NYAP2: variants seen among roughly 807,000 people sequenced by gnomAD.
NYAP2 encodes neuronal tyrosine-phosphorylated phosphoinositide-3-kinase adapter 2.
Under a neutral mutation model 50.4 loss-of-function variants are expected in NYAP2, and 23 were observed. The observed-to-expected ratio is 0.46, with a 90% CI of 0.33 to 0.65. The LOEUF (loss-of-function observed/expected upper bound fraction) is 0.65. Ranked by LOEUF, NYAP2 falls within the 30% of genes least tolerant of loss-of-function variation. The pLI is 0.02. For missense variants in NYAP2, 885 were observed against 861.0 expected, an observed-to-expected ratio of 1.03 and a Z score of -0.35; for synonymous variants, 394 against 365.2, an observed-to-expected ratio of 1.08 and a Z score of -0.90.
At chr2:225,425,711 G>C (rs568272952) in intron 3 of NYAP2, among the ~76,000 whole-genome samples, 1 of 152,308 alleles carries the variant, frequency 6.6e-6, no homozygotes, top group Non-Finnish European at 1.5e-5. Context: ...TAATCGAAGA[G>C]AAATAAATAT....
chr2:225,420,848 A>G (rs1484182987), intron 3 of NYAP2, among the ~76,000 whole-genome samples: 1 of 152,146 alleles, frequency 6.6e-6, no homozygotes, highest in Non-Finnish European at 1.5e-5. Context: ...GCTCTTTTAC[A>G]TAGAGAATCA....
intron 4 of NYAP2, among the ~76,000 whole-genome samples, chr2:225,533,407 C>A (rs1691292558): frequency 6.6e-6 from 1 of 152,188 alleles, no homozygotes; most frequent in Non-Finnish European, 1.5e-5. Flanking sequence ...AGAAAGCCAG[C>A]TGGGTGCGGT....
At chr2:225,547,364 G>A (rs1691603590) in intron 4 of NYAP2, among the ~76,000 whole-genome samples, 1 of 152,178 alleles carries the variant, frequency 6.6e-6, no homozygotes, top group Non-Finnish European at 1.5e-5. Context: ...CACTGGCTTT[G>A]AGCCCAGGAC....
intron 3 of NYAP2, among the ~76,000 whole-genome samples, chr2:225,503,410 G>A (rs370844388): frequency 2.0e-5 from 3 of 152,102 alleles, no homozygotes; most frequent in East Asian, 1.9e-4. Flanking sequence ...AGATTCCAAA[G>A]TACCGTAGAT....
intron 3 of NYAP2, among the ~76,000 whole-genome samples, chr2:225,423,072 G>A (rs901179620): frequency 6.6e-6 from 1 of 152,106 alleles, no homozygotes; most frequent in Admixed American, 6.5e-5. Context: ...TATAGTGGAA[G>A]GGAAAGTATT....
At chr2:225,613,800 A>G (rs1190099421) in intron 5 of NYAP2, among the ~76,000 whole-genome samples, 1 of 152,164 alleles carries the variant, frequency 6.6e-6, no homozygotes, top group African/African-American at 2.4e-5. Flanking sequence ...GTCTTCATTT[A>G]TTATATAGTC....
At chr2:225,601,088 C>A (rs1434345746) in intron 5 of NYAP2, among the ~76,000 whole-genome samples, 2 of 150,746 alleles carry the variant, frequency 1.3e-5, no homozygotes, top group African/African-American at 2.4e-5. Context: ...AGAAGTAGAA[C>A]TGCTGAATCA....
intron 6 of NYAP2, among the ~76,000 whole-genome samples, chr2:225,649,837 G>T (rs1425228579): frequency 6.6e-6 from 1 of 152,154 alleles, no homozygotes; most frequent in African/African-American, 2.4e-5. Context: ...TATTTGAGAA[G>T]AACTAAAACT....
At chr2:225,417,720 A>C (rs1455212701) in intron 3 of NYAP2, among the ~76,000 whole-genome samples, 1 of 152,206 alleles carries the variant, frequency 6.6e-6, no homozygotes, top group Non-Finnish European at 1.5e-5. Context: ...CAAAGAATGA[A>C]GAGGGCCGTT....
chr2:225,660,859 G>A, the NYAP2 span, among the ~76,000 whole-genome samples: 4 of 152,082 alleles, frequency 2.6e-5, 1 homozygote, highest in Admixed American at 2.6e-4. Context: ...CTTTTAAATA[G>A]TATGCCTTTA....
At chr2:225,473,025 T>C (rs1690037824) in intron 3 of NYAP2, among the ~76,000 whole-genome samples, 1 of 152,216 alleles carries the variant, frequency 6.6e-6, no homozygotes, top group Non-Finnish European at 1.5e-5. Flanking sequence ...GTTCTCATTG[T>C]TCAATTCCCA....
At chr2:225,597,014 A>G (rs960339229) in intron 5 of NYAP2, among the ~76,000 whole-genome samples, 3 of 152,194 alleles carry the variant, frequency 2.0e-5, no homozygotes, top group Non-Finnish European at 2.9e-5. Flanking sequence ...CAGCTTAAAA[A>G]ACAACCTCCT....
At chr2:225,540,865 T>G (rs900910034) in intron 4 of NYAP2, among the ~76,000 whole-genome samples, 13 of 152,258 alleles carry the variant, frequency 8.5e-5, no homozygotes, top group African/African-American at 3.1e-4. Flanking sequence ...ATCTCCAAAG[T>G]GTTCTCCATA....
intron 6 of NYAP2, among the ~76,000 whole-genome samples, chr2:225,635,726 G>C (rs527684748): frequency 6.6e-6 from 1 of 152,284 alleles, no homozygotes; most frequent in East Asian, 1.9e-4. Context: ...GGGTTGCCTT[G>C]AGTCTGCATT....
chr2:225,635,751 G>T (rs1693403369), intron 6 of NYAP2, among the ~76,000 whole-genome samples: 1 of 152,156 alleles, frequency 6.6e-6, no homozygotes, highest in African/African-American at 2.4e-5. Context: ...GATGGAATTT[G>T]GAGGAAGAAT....
At chr2:225,646,665 A>G (rs1436716208) in intron 6 of NYAP2, among the ~76,000 whole-genome samples, 1 of 152,208 alleles carries the variant, frequency 6.6e-6, no homozygotes, top group African/African-American at 2.4e-5. Flanking sequence ...ATATATGGTA[A>G]TGATCTTACT....
At chr2:225,418,046 G>T (rs1401811982) in intron 3 of NYAP2, among the ~76,000 whole-genome samples, 1 of 152,110 alleles carries the variant, frequency 6.6e-6, no homozygotes, top group African/African-American at 2.4e-5. Context: ...TCAGGGGTAT[G>T]GGGAGAGTGC....
At chr2:225,415,417 G>A (rs978842326) in intron 3 of NYAP2, among the ~76,000 whole-genome samples, 1 of 152,060 alleles carries the variant, frequency 6.6e-6, no homozygotes, top group African/African-American at 2.4e-5. Flanking sequence ...GTTTTGAATT[G>A]GTTAATATTT....
At chr2:225,406,502 T>A (rs1401125153) in intron 2 of NYAP2, among the ~76,000 whole-genome samples, 2 of 151,956 alleles carry the variant, frequency 1.3e-5, no homozygotes, top group African/African-American at 2.4e-5. Context: ...CACGAAGACA[T>A]CTAGAGGGAC....
Sources: gnomAD v4.1 joint callset for allele counts (sites outside exome capture counted in the v4.1 genomes callset) on GRCh38, gnomAD v4.1.1 for gene constraint, MANE v1.5 for transcripts, NCBI Gene and HGNC (gene_info 2026-07-23, HGNC 2026-07-21) for gene names.